The following CTNNA1 variants were observed in gnomAD, a reference collection of about 807,000 sequenced individuals.
CTNNA1 encodes the protein catenin alpha-1.
In CTNNA1, 37 loss-of-function variants were observed where a neutral mutation model predicts 98.4. The observed-to-expected ratio is 0.38, with a 90% CI of 0.29 to 0.49. CTNNA1 has a LOEUF of 0.49. Ranked by LOEUF, CTNNA1 falls within the 20% of genes least tolerant of loss-of-function variation. CTNNA1 has a pLI of 0.95. For synonymous variants in CTNNA1, 404 were observed against 413.2 expected (o/e 0.98, Z 0.27); for missense variants, 761 against 1,147.2 (o/e 0.66, Z 4.86).
intron 7 of CTNNA1, among the ~76,000 whole-genome samples, chr5:138,837,292 G>A (rs1338196339): frequency 6.6e-6 from 1 of 152,170 alleles, no homozygotes; most frequent in African/African-American, 2.4e-5. Flanking sequence ...TGGAAGTGAC[G>A]TTCGTTATCA....
chr5:138,888,480 G>A (rs1754588974), intron 9 of CTNNA1, among the ~76,000 whole-genome samples: 2 of 152,006 alleles, frequency 1.3e-5, no homozygotes, highest in Admixed American at 1.3e-4. Flanking sequence ...ACAGAAAACG[G>A]GACCTTATGT....
intron 7 of CTNNA1, among the ~76,000 whole-genome samples, chr5:138,847,353 A>G (rs187782242): frequency 7.4e-4 from 113 of 151,918 alleles, no homozygotes; most frequent in Admixed American, 1.3e-3. Flanking sequence ...TTTTAGAGAT[A>G]GGGGTCTGGT....
At chr5:138,933,041 C>T (rs984558972) in intron 17 of CTNNA1, 1 of 751,770 alleles carries the variant, frequency 1.3e-6, no homozygotes, top group African/African-American at 1.7e-5. Flanking sequence ...GGCTGAGACA[C>T]AATAATTACT....
chr5:138,919,110 A>G (rs1229886589), intron 11 of CTNNA1, among the ~76,000 whole-genome samples: 1 of 152,202 alleles, frequency 6.6e-6, no homozygotes, highest in African/African-American at 2.4e-5. Flanking sequence ...AGGTGTTGGT[A>G]CTTTAAAACA....
At chr5:138,802,311 T>C (rs1200685371) in intron 3 of CTNNA1, among the ~76,000 whole-genome samples, 2 of 152,164 alleles carry the variant, frequency 1.3e-5, no homozygotes, top group African/African-American at 2.4e-5. Flanking sequence ...AAAGGAATTT[T>C]TAATGCATAG....
At chr5:138,882,249 T>C (rs765230930) in intron 7 of CTNNA1, among the ~76,000 whole-genome samples, 1 of 152,212 alleles carries the variant, frequency 6.6e-6, no homozygotes, top group Non-Finnish European at 1.5e-5. Context: ...AAGGAAGTAG[T>C]TTCTCATCTG....
chr5:138,833,693 A>G (rs1038083818), intron 7 of CTNNA1, among the ~76,000 whole-genome samples: 1 of 152,240 alleles, frequency 6.6e-6, no homozygotes. Flanking sequence ...ATGAGAGGTT[A>G]GGATCAACTT....
In CTNNA1 at chr5:138,930,507, C is replaced by T. The variant is rs1580907907; in HGVS notation, c.2045C>T (p.Ala682Val). The change falls in exon 15 of 18, where the codon GCG becomes GTG. Residue 682 changes from alanine to valine, a missense_variant. By Grantham distance (64) the Ala-to-Val change is moderately conservative. Transcript: ENST00000302763. ...GCTCAGCTTCCCCAGGAGCAAAAAGCGAAGATTGCGGAACAGGTGGCCAGC... is the reference window on the plus strand; with the variant it reads ...GCTCAGCTTCCCCAGGAGCAAAAAGTGAAGATTGCGGAACAGGTGGCCAGC... Reference protein sequence around the residue: ...IMAQLPQEQKAKIAEQVASFQ... With the variant: ...IMAQLPQEQKVKIAEQVASFQ... 1.2e-6 allele frequency: 2 copies of T among 1,613,588 alleles called. No individual in the cohort carries two copies. The highest frequency in any genetic ancestry group is 2.2e-5 in the East Asian group (1 of 44,878).
At position 138,934,298 on chromosome 5, in the gene CTNNA1, AT is replaced by A. The variant is rs1287079735; in HGVS notation, c.*215del. 3 of 534,990 alleles carry A rather than the reference AT, an allele frequency of 5.6e-6. No homozygotes were observed. Among genetic ancestry groups the A allele is most frequent in the Admixed American group, 7.1e-5 (2 of 28,210 alleles). The allele number at this position is 534,990 out of a possible 1,614,324, so 33.1% of individuals were successfully genotyped here. A position where few individuals can be genotyped will look rare whatever the true frequency, so the allele number is the denominator to read the frequency against. Reference sequence around the variant, plus strand: ...AATGCAGGAGCCTACTTCTAGCTGTATTTTTTGTATGCTTAAATAAAAATAA... The same window carrying A: ...AATGCAGGAGCCTACTTCTAGCTGTATTTTTGTATGCTTAAATAAAAATAA... On this transcript the variant is annotated 3_prime_UTR_variant, in exon 18 of 18. Transcript: ENST00000302763.
chr5:138,825,481 A>ATTTTTTTTTTTTTTTTT (rs1561565679), intron 6 of CTNNA1, among the ~76,000 whole-genome samples: 5 of 21,320 alleles, frequency 2.3e-4, no homozygotes, highest in East Asian at 6.0e-3. Context: ...CAGCAGTATA[A>ATTTTTTTTTTTTTTTTT]GTTTTTTTTT....
At chr5:138,925,763 T>C (rs1763873317) in intron 13 of CTNNA1, among the ~76,000 whole-genome samples, 1 of 152,194 alleles carries the variant, frequency 6.6e-6, no homozygotes, top group Non-Finnish European at 1.5e-5. Context: ...TTCAAGTTAT[T>C]GTTCACATGA....
intron 7 of CTNNA1, chr5:138,875,825 C>G (rs1751368503): frequency 1.4e-6 from 1 of 709,036 alleles, no homozygotes; most frequent in African/African-American, 1.9e-5. Context: ...CTATGATTTG[C>G]TTTAGATGTG....
chr5:138,799,624 CAT>C (rs1757336026), intron 3 of CTNNA1, among the ~76,000 whole-genome samples: 1 of 147,054 alleles, frequency 6.8e-6, no homozygotes, highest in Non-Finnish European at 1.5e-5. Context: ...GTCTTAGTGT[CAT>C]TTTTTTTTTT....
intron 7 of CTNNA1, among the ~76,000 whole-genome samples, chr5:138,867,899 A>C (rs867323313): frequency 1.3e-5 from 2 of 151,816 alleles, no homozygotes; most frequent in Non-Finnish European, 2.9e-5. Context: ...TTACAGGCGC[A>C]TACCAGGTTG....
chr5:138,931,688 G>C (rs13178601), intron 16 of CTNNA1: 1 of 985,110 alleles, frequency 1.0e-6, no homozygotes. Flanking sequence ...CCGATTTCCT[G>C]TTCTTTCCTC....
In CTNNA1 at chr5:138,893,488, T is replaced by C. The variant is rs201602523; in HGVS notation, c.1296+5846T>C. ...CCTATCAGGATTCCTGCTGCATTTT[T>C]CCACATATTATTGGCTGCCCCCTTC... On this transcript the variant is annotated intron_variant, in intron 9 of 17. Transcript: ENST00000302763. Among the ~76,000 whole-genome samples the C allele has an allele frequency of 2.6e-5, 4 of 152,292 alleles. No homozygotes were observed. In the East Asian group the frequency reaches 7.7e-4, roughly 29 times the overall value.
rs1254401611 is a variant in CTNNA1, at chr5:138,934,620, TTCTC to T, written c.*533_*536del. The T allele has an allele frequency of 2.0e-5, 3 of 153,492 alleles. No individual in the cohort carries two copies. Among genetic ancestry groups the T allele is most frequent in the African/African-American group, 7.2e-5 (3 of 41,456 alleles). The allele number at this position is 153,492 out of a possible 1,614,324, so 9.5% of individuals were successfully genotyped here. On this transcript the variant is annotated 3_prime_UTR_variant, in exon 18 of 18. Coordinates refer to ENST00000302763, the MANE Select transcript of CTNNA1 (RefSeq NM_001903.5). ...CATAATGTATCATGAAGAAAACTGA[TTCTC>T]TATGACATGAAATGAAAATTTTAAT...
At chr5:138,795,459 A>C (rs1756859018) in intron 3 of CTNNA1, among the ~76,000 whole-genome samples, 1 of 151,604 alleles carries the variant, frequency 6.6e-6, no homozygotes, top group South Asian at 2.1e-4. Flanking sequence ...CTGTCTCAGA[A>C]AAAAAAAAGA....
intron 7 of CTNNA1, among the ~76,000 whole-genome samples, chr5:138,834,966 G>T (rs995384201): frequency 2.0e-5 from 3 of 152,128 alleles, no homozygotes; most frequent in South Asian, 4.2e-4. Context: ...TGGGCAGGGG[G>T]TGGATCTTAT....
Sources: allele counts gnomAD v4.1 joint callset (sites outside exome capture counted in the v4.1 genomes callset), GRCh38; gene constraint gnomAD v4.1.1; transcripts MANE v1.5; gene names NCBI Gene and HGNC (gene_info 2026-07-23, HGNC 2026-07-21).